The following MLIP variants were observed in gnomAD, a reference collection of about 807,000 sequenced individuals.
MLIP encodes the protein muscular LMNA-interacting protein.
In MLIP, 79 loss-of-function variants were observed where a neutral mutation model predicts 84.8. The ratio of observed to expected loss-of-function variants is 0.93; its 90% CI spans 0.78 to 1.12. The LOEUF (loss-of-function observed/expected upper bound fraction) is 1.12, where lower values mean the gene tolerates loss of function less well. MLIP is among the 50% of genes most tolerant of loss of function. The probability of loss-of-function intolerance (pLI) is 0.00; values close to 1 mark genes in which losing one functional copy is unlikely to be tolerated. For synonymous variants in MLIP, 504 were observed against 463.0 expected, an observed-to-expected ratio of 1.09 and a Z score of -1.14; for missense variants, 1,257 against 1,160.6, an observed-to-expected ratio of 1.08 and a Z score of -1.21.
chr6:54,201,079 C>G (rs1778644771), intron 10 of MLIP, among the ~76,000 whole-genome samples: 1 of 152,148 alleles, frequency 6.6e-6, no homozygotes, highest in Admixed American at 6.5e-5. Context: ...GATGTTTTTG[C>G]AAACGTCAAT....
chr6:54,177,548 A>G (rs972437010), intron 9 of MLIP, among the ~76,000 whole-genome samples: 3 of 152,136 alleles, frequency 2.0e-5, no homozygotes, highest in Non-Finnish European at 4.4e-5. Flanking sequence ...GAAACAACAG[A>G]TGCTGGTGAG....
chr6:54,137,477 T>C lies in MLIP; in HGVS notation c.1408T>C (p.Ser470Pro). 2.0e-6 allele frequency: 3 copies of C among 1,536,052 alleles called. No homozygotes were observed. The highest frequency in any genetic ancestry group is 2.6e-6 in the Non-Finnish European group (3 of 1,146,902). Residue 470 changes from serine (S) to proline (P), a missense_variant, in exon 4 of 14, where the codon TCC becomes CCC. Transcript: ENST00000502396. ...PTPKKSLSSC[S>P]LRAGSPDQGE... ...GCCTAAAAAATCTCTCTCAAGTTGT[T>C]CCCTGAGAGCCGGGTCACCAGATCA...
intron 10 of MLIP, among the ~76,000 whole-genome samples, chr6:54,191,020 C>T (rs1015424448): frequency 1.3e-5 from 2 of 151,974 alleles, no homozygotes; most frequent in East Asian, 3.9e-4. Flanking sequence ...TGGTCTCGAT[C>T]TCCTGACCTC....
At chr6:54,100,067 T>C (rs932834090) in intron 1 of MLIP, among the ~76,000 whole-genome samples, 2 of 152,160 alleles carry the variant, frequency 1.3e-5, no homozygotes, top group African/African-American at 2.4e-5. Flanking sequence ...TCTAGTTACC[T>C]TGGAAACTCA....
chr6:54,119,971 T>C (rs1165603932), intron 1 of MLIP, among the ~76,000 whole-genome samples: 3 of 152,202 alleles, frequency 2.0e-5, no homozygotes, highest in Non-Finnish European at 2.9e-5. Flanking sequence ...TTTCACCTGC[T>C]TCCTTCAGGG....
At chr6:54,187,208 A>G (rs1478536651) in intron 9 of MLIP, among the ~76,000 whole-genome samples, 1 of 152,082 alleles carries the variant, frequency 6.6e-6, no homozygotes, top group Non-Finnish European at 1.5e-5. Context: ...AACCTGTGCA[A>G]CTCCTAAGGC....
chr6:54,120,916 G>A (rs566509513), intron 1 of MLIP, among the ~76,000 whole-genome samples: 4 of 152,228 alleles, frequency 2.6e-5, no homozygotes, highest in African/African-American at 9.6e-5. Flanking sequence ...TTTTGAAAAA[G>A]TGAAGAATAA....
intron 10 of MLIP, among the ~76,000 whole-genome samples, chr6:54,200,627 T>A (rs1562049873): frequency 5.7e-5 from 2 of 35,382 alleles, no homozygotes; most frequent in African/African-American, 1.5e-4. Context: ...TTTTTTTTTT[T>A]TTTTTTGGCA....
intron 9 of MLIP, among the ~76,000 whole-genome samples, chr6:54,176,728 G>A (rs1093331): frequency 0.55 from 82,924 of 151,686 alleles, 24,657 homozygotes; most frequent in South Asian, 0.69. Context: ...AACCAAAAAA[G>A]AGCCTGTATA....
At chr6:54,123,205 G>A (rs1582201315) in intron 2 of MLIP, among the ~76,000 whole-genome samples, 2 of 149,606 alleles carry the variant, frequency 1.3e-5, no homozygotes, top group Non-Finnish European at 3.0e-5. Flanking sequence ...AAAGTGCTGG[G>A]ATTACAGGCT....
intron 11 of MLIP, chr6:54,216,986 A>G (rs1388584966): frequency 7.1e-6 from 7 of 985,300 alleles, no homozygotes; most frequent in Non-Finnish European, 8.4e-6. Context: ...TTAAAACTGT[A>G]GCAAAAATGC....
rs1395692240 is a variant in MLIP at position 54,137,595 on chromosome 6, C to T, written c.1526C>T (p.Ser509Phe). The change falls in exon 4 of 14, where the codon TCT (serine) becomes TTT (phenylalanine). Residue 509 changes from serine (S) to phenylalanine (F), a missense_variant. Physicochemically the swap from Ser to Phe is radical, Grantham distance 155 (BLOSUM62 -2). Transcript: ENST00000502396. ...CCGCTTTCTCAGGCGCCCTCCCTCT[C>T]TCCTACAAAACAGGCTAGTAGCAGC... ...STPLSQAPSL[S>F]PTKQASSSLA... 2.0e-6 allele frequency: 3 copies of T among 1,536,012 alleles called. No homozygotes were observed. The highest frequency in any genetic ancestry group is 1.7e-6 in the Non-Finnish European group (2 of 1,146,908).
intron 11 of MLIP, among the ~76,000 whole-genome samples, chr6:54,227,738 A>G (rs910114074): frequency 9.2e-5 from 14 of 152,250 alleles, no homozygotes; most frequent in Non-Finnish European, 1.6e-4. Context: ...TTCATATTCA[A>G]ACAATCAAAC....
At chr6:54,225,533 T>G (rs1369242707) in intron 11 of MLIP, among the ~76,000 whole-genome samples, 2 of 152,188 alleles carry the variant, frequency 1.3e-5, no homozygotes, top group African/African-American at 2.4e-5. Context: ...ATCTTCTAAA[T>G]AATTTTCTGT....
chr6:54,197,546 T>C (rs774987673), intron 10 of MLIP, among the ~76,000 whole-genome samples: 5 of 152,232 alleles, frequency 3.3e-5, no homozygotes, highest in African/African-American at 9.6e-5. Flanking sequence ...CATTCATGAA[T>C]TGATATTTTC....
intron 5 of MLIP, among the ~76,000 whole-genome samples, chr6:54,152,914 G>T (rs1399690149): frequency 6.6e-6 from 1 of 152,034 alleles, no homozygotes; most frequent in East Asian, 1.9e-4. Context: ...CATCTTTATT[G>T]TCTTACCAAT....
chr6:54,249,395 T>C (rs551910039), intron 12 of MLIP, among the ~76,000 whole-genome samples: 1 of 152,148 alleles, frequency 6.6e-6, no homozygotes, highest in Non-Finnish European at 1.5e-5. Context: ...TAAAAATAAA[T>C]ATTAATAAAT....
At chr6:54,099,026 C>T (rs753363499) in intron 1 of MLIP, among the ~76,000 whole-genome samples, 1 of 152,092 alleles carries the variant, frequency 6.6e-6, no homozygotes, top group African/African-American at 2.4e-5. Flanking sequence ...AAAGTAATGA[C>T]TTTGCAAAAA....
chr6:54,162,219 A>T (rs1173496741), intron 8 of MLIP, among the ~76,000 whole-genome samples: 1 of 152,020 alleles, frequency 6.6e-6, no homozygotes, highest in African/African-American at 2.4e-5. Context: ...GCTGAGACCC[A>T]AAGATGGAAA....
Sources: gnomAD v4.1 joint callset for allele counts (sites outside exome capture counted in the v4.1 genomes callset) on GRCh38, gnomAD v4.1.1 for gene constraint, MANE v1.5 for transcripts, NCBI Gene and HGNC (gene_info 2026-07-23, HGNC 2026-07-21) for gene names.